The following RBFOX1 variants were observed in gnomAD, a reference collection of about 807,000 sequenced individuals.
The protein encoded by RBFOX1 is RNA binding fox-1 homolog 1.
A neutral mutation model predicts 57.7 loss-of-function variants in RBFOX1; 8 were observed. The observed-to-expected ratio is 0.14, with a 90% CI of 0.08 to 0.25. The LOEUF (loss-of-function observed/expected upper bound fraction) is 0.25, where lower values mean the gene tolerates loss of function less well. Among genes scored for constraint, RBFOX1 ranks in the 10% least tolerant of loss-of-function variants. RBFOX1 has a pLI of 1.00. For missense variants in RBFOX1, 611 were observed against 548.5 expected, an observed-to-expected ratio of 1.11 and a Z score of -1.14; for synonymous variants, 326 against 222.4, an observed-to-expected ratio of 1.47 and a Z score of -4.15.
intron 3 of RBFOX1, among the ~76,000 whole-genome samples, chr16:6,923,344 G>C (rs904784509): frequency 5.9e-5 from 9 of 152,066 alleles, no homozygotes. Context: ...GACCAGCCTG[G>C]CCAACATGGT....
intron 1 of RBFOX1, among the ~76,000 whole-genome samples, chr16:6,070,251 C>A (rs2095819562): frequency 6.6e-6 from 1 of 152,126 alleles, no homozygotes; most frequent in Admixed American, 6.5e-5. Flanking sequence ...GTGGCTCCCC[C>A]AAAGTATCTA....
At chr16:6,825,035 C>T (rs1222506482) in intron 3 of RBFOX1, among the ~76,000 whole-genome samples, 2 of 111,692 alleles carry the variant, frequency 1.8e-5, no homozygotes, top group East Asian at 3.0e-4. Context: ...CTGGCTCTGT[C>T]ACCCAGGCTG....
rs1008869513 is a variant in RBFOX1, at chr16:6,868,978, C to G, written c.-15-183079C>G. On this transcript the variant is annotated intron_variant, in intron 3 of 15. Coordinates refer to ENST00000550418, the MANE Select transcript of RBFOX1 (RefSeq NM_018723.4). ...GGATACATGAGGTGAGAGAAACCGT[C>G]TGTCAGCTCATGTCCCTGAGTGACT... is the stretch of plus-strand genomic sequence containing the variant. 1.4e-4 allele frequency among the ~76,000 whole-genome samples: 21 copies of G among 152,192 alleles called. 1 individual carries two copies. Among genetic ancestry groups the G allele is most frequent in the South Asian group, 2.1e-4 (1 of 4,834 alleles).
At chr16:6,833,132 T>TC (rs889896807) in intron 3 of RBFOX1, among the ~76,000 whole-genome samples, 1 of 151,918 alleles carries the variant, frequency 6.6e-6, no homozygotes, top group African/African-American at 2.4e-5. Flanking sequence ...TCCTTTTTTT[T>TC]CAAGTCTTGT....
intron 4 of RBFOX1, among the ~76,000 whole-genome samples, chr16:7,096,131 C>T (rs1386041950): frequency 1.3e-5 from 2 of 152,064 alleles, no homozygotes; most frequent in African/African-American, 4.8e-5. Flanking sequence ...TCCCAATCTT[C>T]ATATAACTTA....
chr16:5,633,800 G>C (rs2048597103), intron 3 of RBFOX1, among the ~76,000 whole-genome samples: 1 of 151,734 alleles, frequency 6.6e-6, no homozygotes, highest in Admixed American at 6.6e-5. Flanking sequence ...CTAGAACCCA[G>C]GAGGCGGAGG....
intron 2 of RBFOX1, among the ~76,000 whole-genome samples, chr16:6,478,415 ATATATATATATATATTTTTTT>A (rs1344450258): frequency 9.0e-5 from 2 of 22,198 alleles, no homozygotes; most frequent in East Asian, 7.4e-4. Context: ...ATATATATAT[ATATATATATATATATTTTTTT>A]TTTTTTTTTT....
intron 2 of RBFOX1, among the ~76,000 whole-genome samples, chr16:6,481,428 C>T (rs878012): frequency 0.12 from 18,476 of 152,290 alleles, 1,956 homozygotes; most frequent in East Asian, 0.46. Context: ...GCTGAGAACA[C>T]GAGGACAATG....
At chr16:7,060,540 G>A (rs1568594142) in intron 4 of RBFOX1, among the ~76,000 whole-genome samples, 1 of 152,090 alleles carries the variant, frequency 6.6e-6, no homozygotes, top group African/African-American at 2.4e-5. Context: ...CAAATGAAAT[G>A]GCTTTTAAAG....
intron 3 of RBFOX1, among the ~76,000 whole-genome samples, chr16:5,757,265 C>T (rs1333100243): frequency 2.1e-5 from 3 of 144,160 alleles, no homozygotes; most frequent in African/African-American, 5.3e-5. Flanking sequence ...TGGAGTGTCA[C>T]TCTGTTGCCA....
intron 1 of RBFOX1, among the ~76,000 whole-genome samples, chr16:6,227,724 T>C (rs1421274273): frequency 1.3e-5 from 2 of 152,220 alleles, no homozygotes; most frequent in Non-Finnish European, 2.9e-5. Context: ...ATAGCTGAAG[T>C]AGCTCTATAG....
intron 3 of RBFOX1, among the ~76,000 whole-genome samples, chr16:5,657,658 T>TTTTC (rs1327763455): frequency 7.9e-6 from 1 of 126,146 alleles, no homozygotes; most frequent in Non-Finnish European, 1.7e-5. Context: ...CTTTCTTTTC[T>TTTTC]TTTCTTTCTT....
At chr16:6,256,143 G>A (rs373999487) in intron 1 of RBFOX1, among the ~76,000 whole-genome samples, 2,493 of 32,162 alleles carry the variant, frequency 0.078, 410 homozygotes, top group African/African-American at 0.19. Context: ...ATATATGTGT[G>A]TATATATATA....
chr16:5,478,618 G>A (rs1453519046), intron 2 of RBFOX1, among the ~76,000 whole-genome samples: 1 of 152,174 alleles, frequency 6.6e-6, no homozygotes, highest in Non-Finnish European at 1.5e-5. Context: ...ATTCCGATGT[G>A]CAGAAGGGGA....
chr16:6,925,119 T>G (rs1242019228), intron 3 of RBFOX1, among the ~76,000 whole-genome samples: 14 of 33,152 alleles, frequency 4.2e-4, no homozygotes, highest in African/African-American at 1.6e-3. Context: ...GTTTTTTTTT[T>G]TTTTTTTTTT....
At chr16:6,006,290 C>T (rs2094926715) in intron 4 of RBFOX1, among the ~76,000 whole-genome samples, 1 of 151,782 alleles carries the variant, frequency 6.6e-6, no homozygotes. Context: ...TCCACCAAGT[C>T]ACAGTGATGG....
chr16:7,001,418 GTATATGTATAT>G, intron 3 of RBFOX1, among the ~76,000 whole-genome samples: 1 of 137,138 alleles, frequency 7.3e-6, no homozygotes, highest in South Asian at 2.5e-4. Context: ...ATATGTATAT[GTATATGTATAT>G]GTATATGTAT....
At chr16:5,943,016 C>G (rs1216869652) in intron 4 of RBFOX1, among the ~76,000 whole-genome samples, 1 of 152,176 alleles carries the variant, frequency 6.6e-6, no homozygotes, top group Non-Finnish European at 1.5e-5. Flanking sequence ...GCACTGACCA[C>G]AAGCTCAGTA....
chr16:6,650,686 G>A (rs766079879), intron 2 of RBFOX1, among the ~76,000 whole-genome samples: 6 of 152,130 alleles, frequency 3.9e-5, no homozygotes, highest in Admixed American at 1.3e-4. Context: ...TTTGCTATAC[G>A]AGTCTTCACC....
Sources: allele counts gnomAD v4.1 joint callset (sites outside exome capture counted in the v4.1 genomes callset), GRCh38; gene constraint gnomAD v4.1.1; transcripts MANE v1.5; gene names NCBI Gene and HGNC (gene_info 2026-07-23, HGNC 2026-07-21).